Variants in ABTB2 observed in about 807,000 individuals in gnomAD.
ABTB2 encodes the protein ankyrin repeat and BTB domain containing 2.
ABTB2 carries 56 observed loss-of-function variants against 104.1 expected under a neutral mutation model. That is an observed-to-expected ratio of 0.54 (90% CI 0.43 to 0.67). The LOEUF is 0.67. ABTB2 is among the 30% of genes least tolerant of loss of function. The pLI is 0.00. For synonymous variants in ABTB2, 606 were observed against 608.2 expected (o/e 1.00, Z 0.05); for missense variants, 1,279 against 1,407.7 (o/e 0.91, Z 1.46).
At chr11:34,285,133 A>G (rs1006472928) in intron 1 of ABTB2, among the ~76,000 whole-genome samples, 1 of 152,176 alleles carries the variant, frequency 6.6e-6, no homozygotes, top group Non-Finnish European at 1.5e-5. Context: ...CTGTCAGGCA[A>G]TCCAGGCGGA....
chr11:34,258,938 T>C (rs1036567665), intron 1 of ABTB2, among the ~76,000 whole-genome samples: 1 of 151,590 alleles, frequency 6.6e-6, no homozygotes, highest in Non-Finnish European at 1.5e-5. Flanking sequence ...GTAGTACATA[T>C]GCGTGTGGTA....
At chr11:34,253,028 C>A (rs1201564910) in intron 1 of ABTB2, among the ~76,000 whole-genome samples, 1 of 152,184 alleles carries the variant, frequency 6.6e-6, no homozygotes, top group African/African-American at 2.4e-5. Flanking sequence ...CCCATCTCCA[C>A]CTGGGAAAGG....
rs1482404289 is a variant in ABTB2, at chr11:34,216,256, GA to G, written c.884-11567del. On this transcript the variant is annotated intron_variant, in intron 1 of 16. Coordinates refer to ENST00000435224, the MANE Select transcript of ABTB2 (RefSeq NM_145804.3). ...GGTGGTCAAGGAAGGCTTCCTGGAA[GA>G]AGGGACACCTCAGTTGATGATGAGC... is the stretch of plus-strand genomic sequence containing the variant. Among the ~76,000 whole-genome samples the G allele has an allele frequency of 7.2e-5, 11 of 152,316 alleles. No homozygotes were observed. In the East Asian group the frequency reaches 1.9e-3, roughly 27 times the overall value.
intron 1 of ABTB2, among the ~76,000 whole-genome samples, chr11:34,294,122 A>C (rs1309731173): frequency 6.6e-6 from 1 of 152,218 alleles, no homozygotes; most frequent in Non-Finnish European, 1.5e-5. Flanking sequence ...CCTTGAGCCC[A>C]GGAGTTAGAG....
chr11:34,172,389 AAAAAAAATAT>A (rs1274052167), intron 4 of ABTB2, among the ~76,000 whole-genome samples: 2 of 58,864 alleles, frequency 3.4e-5, no homozygotes, highest in Admixed American at 2.0e-4. Context: ...AAAAAAAAAA[AAAAAAAATAT>A]ATATATATAT....
At chr11:34,175,168 G>A (rs937128296) in intron 3 of ABTB2, among the ~76,000 whole-genome samples, 1 of 152,148 alleles carries the variant, frequency 6.6e-6, no homozygotes, top group Non-Finnish European at 1.5e-5. Context: ...CAAAAGCTCG[G>A]GTCATCTCCA....
intron 1 of ABTB2, among the ~76,000 whole-genome samples, chr11:34,283,131 G>T (rs1854467951): frequency 6.7e-6 from 1 of 148,698 alleles, no homozygotes; most frequent in Non-Finnish European, 1.5e-5. Flanking sequence ...TGTTAGCCAG[G>T]ACATTCTCGA....
rs73493591 is a variant in ABTB2 at position 34,230,564 on chromosome 11, G to C, written c.884-25874C>G. ...GGCTCTGGTAAGTTGACGATGGGGA[G>C]AGTTGCCCCCTTACAGTCCCTAAAT... On this transcript the variant is annotated intron_variant, in intron 1 of 16. Coordinates refer to ENST00000435224, the MANE Select transcript of ABTB2 (RefSeq NM_145804.3). Among the ~76,000 whole-genome samples the C allele has an allele frequency of 1.3e-3, 195 of 152,268 alleles. 2 individuals carry two copies. Among genetic ancestry groups the C allele is most frequent in the African/African-American group, 4.6e-3 (191 of 41,556 alleles).
In ABTB2 at chr11:34,318,860, CCT is replaced by C. The variant is rs149091498; in HGVS notation, c.883+37839_883+37840del. On this transcript the variant is annotated intron_variant, in intron 1 of 16. Coordinates refer to ENST00000435224, the MANE Select transcript of ABTB2 (RefSeq NM_145804.3). ...CTAGTCTAAGTAATCTATAAACCCC[CCT>C]GTTTGGAGAAACAAGATGTTTTGAT... Among the ~76,000 whole-genome samples, 17 of 152,318 alleles carry C rather than the reference CCT, an allele frequency of 1.1e-4. No homozygotes were observed. The East Asian group carries it at 3.3e-3, about 29-fold the overall frequency.
rs73493563 is a variant in ABTB2 at position 34,227,394 on chromosome 11, T to C, written c.884-22704A>G. ...TAAGCTATTTTCTGTCTCTACGAAT[T>C]TGCCTTTCCTGGACATTTCACATAA... On this transcript the variant is annotated intron_variant, in intron 1 of 16. Transcript: ENST00000435224. 1.1e-3 allele frequency among the ~76,000 whole-genome samples: 166 copies of C among 152,324 alleles called. 2 individuals carry two copies. Among genetic ancestry groups the C allele is most frequent in the African/African-American group, 3.9e-3 (162 of 41,578 alleles).
chr11:34,188,774 G>T (rs1269520401), intron 3 of ABTB2, among the ~76,000 whole-genome samples: 1 of 152,204 alleles, frequency 6.6e-6, no homozygotes, highest in African/African-American at 2.4e-5. Flanking sequence ...CTGAGCAAAA[G>T]ATTAACGAGC....
rs755101612 is a variant in ABTB2 at position 34,172,437 on chromosome 11, T to TAG, written c.1397+717_1397+718insCT. On this transcript the variant is annotated intron_variant, in intron 4 of 16. Transcript: ENST00000435224. ...ATATATATGTGTGTGTGTGTGTGTATATAGATAGATAGATAGATAGATAGA... is the reference window on the plus strand; with the variant it reads ...ATATATATGTGTGTGTGTGTGTGTATAGATAGATAGATAGATAGATAGATAGA... Among the ~76,000 whole-genome samples the TAG allele has an allele frequency of 6.8e-3, 628 of 92,484 alleles. 14 individuals are homozygous for TAG. Among genetic ancestry groups the TAG allele is most frequent in the African/African-American group, 0.012 (247 of 20,836 alleles). 60.7% of individuals were successfully genotyped at this position (92,484 alleles called of 152,430 possible).
intron 11 of ABTB2, among the ~76,000 whole-genome samples, chr11:34,160,631 GGTTCCTGGGTGCTGGGGGC>G: frequency 6.9e-6 from 1 of 144,174 alleles, no homozygotes; most frequent in Admixed American, 7.0e-5. Flanking sequence ...TGGGTGGGGG[GGTTCCTGGGTGCTGGGGGC>G]GAGCGTGCAC....
intron 1 of ABTB2, among the ~76,000 whole-genome samples, chr11:34,339,623 G>T (rs1855238484): frequency 6.6e-6 from 1 of 151,782 alleles, no homozygotes; most frequent in African/African-American, 2.4e-5. Flanking sequence ...CTTTGAGATT[G>T]GTGCTTCCCT....
At chr11:34,264,856 G>A (rs570162319) in intron 1 of ABTB2, among the ~76,000 whole-genome samples, 4 of 152,210 alleles carry the variant, frequency 2.6e-5, no homozygotes, top group Admixed American at 1.3e-4. Context: ...CCTCATCCTC[G>A]GAACAGGGGC....
intron 1 of ABTB2, among the ~76,000 whole-genome samples, chr11:34,313,668 G>A (rs1358361006): frequency 6.6e-6 from 1 of 152,160 alleles, no homozygotes; most frequent in Non-Finnish European, 1.5e-5. Flanking sequence ...CCACGAAAGT[G>A]GGAGAGATGC....
intron 3 of ABTB2, among the ~76,000 whole-genome samples, chr11:34,188,933 C>T (rs1313843174): frequency 6.6e-6 from 1 of 152,138 alleles, no homozygotes; most frequent in African/African-American, 2.4e-5. Flanking sequence ...GGGCATTTCC[C>T]CACCTTAGGA....
intron 1 of ABTB2, among the ~76,000 whole-genome samples, chr11:34,310,330 A>T (rs1303862181): frequency 6.6e-6 from 1 of 151,930 alleles, no homozygotes; most frequent in Non-Finnish European, 1.5e-5. Flanking sequence ...TCCAGCATCT[A>T]CCCTGCTGTG....
chr11:34,271,106 A>T (rs539874272), intron 1 of ABTB2, among the ~76,000 whole-genome samples: 18 of 152,266 alleles, frequency 1.2e-4, no homozygotes, highest in African/African-American at 4.3e-4. Flanking sequence ...GATGGCGGGG[A>T]AGTGCAGGAA....
Sources: allele counts gnomAD v4.1 joint callset (sites outside exome capture counted in the v4.1 genomes callset), GRCh38; gene constraint gnomAD v4.1.1; transcripts MANE v1.5; gene names NCBI Gene and HGNC (gene_info 2026-07-23, HGNC 2026-07-21).